Variants in ADGRB3 observed in about 807,000 individuals in gnomAD.
The protein encoded by ADGRB3 is brain-specific angiogenesis inhibitor 3.
ADGRB3 carries 37 observed loss-of-function variants against 193.4 expected under a neutral mutation model. The observed-to-expected ratio is 0.19, with a 90% CI of 0.15 to 0.25. The LOEUF (loss-of-function observed/expected upper bound fraction) is 0.25. Ranked by LOEUF, ADGRB3 falls within the 10% of genes least tolerant of loss-of-function variation. The probability of loss-of-function intolerance (pLI) is 1.00; values close to 1 mark genes in which losing one functional copy is unlikely to be tolerated. For missense variants in ADGRB3, 1,637 were observed against 1,852.9 expected (o/e 0.88, Z 2.14); for synonymous variants, 690 against 644.2 (o/e 1.07, Z -1.08).
chr6:68,959,510 C>G (rs972301397), intron 8 of ADGRB3, among the ~76,000 whole-genome samples: 1 of 151,844 alleles, frequency 6.6e-6, no homozygotes, highest in East Asian at 1.9e-4. Context: ...TACTAAGAGG[C>G]CTTTTGTTGT....
intron 19 of ADGRB3, 88 bp from the exon 20 acceptor site, chr6:69,239,036 C>T: frequency 1.4e-5 from 8 of 584,864 alleles, no homozygotes; most frequent in South Asian, 7.0e-5. Flanking sequence ...CTTATTTTTC[C>T]AGATGAATGC....
intron 6 of ADGRB3, among the ~76,000 whole-genome samples, chr6:68,951,673 T>C (rs2150254636): frequency 6.6e-6 from 1 of 152,298 alleles, no homozygotes; most frequent in African/African-American, 2.4e-5. Context: ...TCTGACAGAA[T>C]GCTGAGATGT....
intron 3 of ADGRB3, among the ~76,000 whole-genome samples, chr6:68,807,737 G>T (rs1767434688): frequency 6.6e-6 from 1 of 151,736 alleles, no homozygotes; most frequent in South Asian, 2.1e-4. Flanking sequence ...ACTTAAGTGA[G>T]AACTAAAAAA....
At chr6:69,241,053 A>T (rs1766374184) in intron 20 of ADGRB3, among the ~76,000 whole-genome samples, 1 of 151,958 alleles carries the variant, frequency 6.6e-6, no homozygotes, top group African/African-American at 2.4e-5. Context: ...AAACTGCATG[A>T]TCCACAGTAC....
chr6:68,726,560 G>C (rs1376695690), intron 3 of ADGRB3, among the ~76,000 whole-genome samples: 1 of 151,606 alleles, frequency 6.6e-6, no homozygotes, highest in Non-Finnish European at 1.5e-5. Flanking sequence ...CTGCTGAGCT[G>C]CATTTAGATG....
chr6:69,000,396 C>T (rs1392960590), intron 11 of ADGRB3, among the ~76,000 whole-genome samples: 1 of 152,128 alleles, frequency 6.6e-6, no homozygotes, highest in Admixed American at 6.5e-5. Context: ...AGTTAAAATA[C>T]ACCTTATTTA....
chr6:69,002,220 A>G (rs1582385169), intron 11 of ADGRB3, among the ~76,000 whole-genome samples: 1 of 126,920 alleles, frequency 7.9e-6, no homozygotes, highest in African/African-American at 2.9e-5. Flanking sequence ...AGCATCTTTT[A>G]TCTTTTTTTT....
intron 13 of ADGRB3, among the ~76,000 whole-genome samples, chr6:69,019,085 G>A (rs985648100): frequency 6.6e-6 from 1 of 151,904 alleles, no homozygotes; most frequent in African/African-American, 2.4e-5. Flanking sequence ...ATTCTGTAAT[G>A]CAACAACCAT....
intron 17 of ADGRB3, among the ~76,000 whole-genome samples, chr6:69,212,917 G>T (rs988606840): frequency 6.6e-6 from 1 of 152,074 alleles, no homozygotes; most frequent in Non-Finnish European, 1.5e-5. Context: ...GTTTAAAGTG[G>T]ATAAAGAGGA....
chr6:68,894,302 T>A (rs1209431065), intron 3 of ADGRB3, among the ~76,000 whole-genome samples: 2 of 151,932 alleles, frequency 1.3e-5, no homozygotes, highest in Non-Finnish European at 2.9e-5. Context: ...AGCTTCTAAA[T>A]GATAAGATGG....
chr6:69,297,368 T>TTCTCTCTCTCTCTCTCTCTCTCTCTC (rs70987459), intron 20 of ADGRB3, among the ~76,000 whole-genome samples: 1 of 97,614 alleles, frequency 1.0e-5, no homozygotes, highest in African/African-American at 3.9e-5. Flanking sequence ...CTCTCTCTCT[T>TTCTCTCTCTCTCTCTCTCTCTCTCTC]TCTCTCTCTC....
intron 8 of ADGRB3, among the ~76,000 whole-genome samples, chr6:68,965,513 C>T (rs575177426): frequency 1.3e-5 from 2 of 152,024 alleles, no homozygotes; most frequent in South Asian, 4.1e-4. Flanking sequence ...TGCTGAAATT[C>T]TAGCATATGG....
At chr6:69,344,364 A>G (rs898261463) in intron 26 of ADGRB3, among the ~76,000 whole-genome samples, 3 of 152,160 alleles carry the variant, frequency 2.0e-5, no homozygotes, top group African/African-American at 7.2e-5. Context: ...TGCTTAAAAT[A>G]AAAAACTTTT....
chr6:69,059,758 G>T (rs897702425), intron 15 of ADGRB3, among the ~76,000 whole-genome samples: 1 of 152,002 alleles, frequency 6.6e-6, no homozygotes, highest in South Asian at 2.1e-4. Flanking sequence ...TACACTTTTT[G>T]AAAAGGAAGC....
chr6:69,254,518 G>C (rs993200874), intron 20 of ADGRB3, among the ~76,000 whole-genome samples: 1 of 151,960 alleles, frequency 6.6e-6, no homozygotes, highest in African/African-American at 2.4e-5. Flanking sequence ...ACATGAGTAT[G>C]TAGCATAACT....
At position 68,817,304 on chromosome 6, in the gene ADGRB3, C is replaced by T. The variant is rs116891643; in HGVS notation, c.758-113255C>T. ...AAGGTATTTATTATTCCCTTTTGTC[C>T]ATGTATATATATATATATATATATA... On this transcript the variant is annotated intron_variant, in intron 3 of 31. Transcript: ENST00000370598. Among the ~76,000 whole-genome samples the T allele has an allele frequency of 6.3e-4, 36 of 57,098 alleles. 4 individuals carry two copies. The highest frequency in any genetic ancestry group is 0.029 in the Middle Eastern group (2 of 68). The allele number at this position is 57,098 out of a possible 152,430, so 37.5% of individuals were successfully genotyped here. A position where few individuals can be genotyped will look rare whatever the true frequency, so the allele number is the denominator to read the frequency against.
chr6:69,115,617 A>C (rs1019088671), intron 17 of ADGRB3, among the ~76,000 whole-genome samples: 2 of 152,228 alleles, frequency 1.3e-5, no homozygotes, highest in Non-Finnish European at 2.9e-5. Flanking sequence ...AAATAAAGAA[A>C]GAAATAAATA....
chr6:69,384,960 CTT>C (rs11397847), intron 31 of ADGRB3, among the ~76,000 whole-genome samples: 1 of 141,720 alleles, frequency 7.1e-6, no homozygotes, highest in Non-Finnish European at 1.5e-5. Flanking sequence ...CTTTTCTTTT[CTT>C]TTTTTTTTTT....
intron 20 of ADGRB3, among the ~76,000 whole-genome samples, chr6:69,241,060 G>A (rs1187507149): frequency 1.3e-5 from 2 of 151,860 alleles, no homozygotes; most frequent in Admixed American, 6.6e-5. Context: ...ATGATCCACA[G>A]TACAAAATAT....
Sources: allele counts gnomAD v4.1 joint callset (sites outside exome capture counted in the v4.1 genomes callset), GRCh38; gene constraint gnomAD v4.1.1; transcripts MANE v1.5; gene names NCBI Gene and HGNC (gene_info 2026-07-23, HGNC 2026-07-21).